NCALD: variants seen among roughly 807,000 people sequenced by gnomAD.
The protein encoded by NCALD is neurocalcin delta.
NCALD carries 10 observed loss-of-function variants against 18.6 expected under a neutral mutation model. The observed-to-expected ratio is 0.54, with a 90% CI of 0.33 to 0.91. NCALD has a LOEUF of 0.91. NCALD is among the 40% of genes least tolerant of loss of function. The pLI is 0.03. For synonymous variants in NCALD, 88 were observed against 87.4 expected (o/e 1.01, Z -0.04); for missense variants, 184 against 247.6 (o/e 0.74, Z 1.72).
At chr8:101,721,473 C>T (rs545491515) in intron 1 of NCALD, 19 of 152,356 alleles carry the variant, frequency 1.2e-4, no homozygotes, top group African/African-American at 4.6e-4. Flanking sequence ...AGGAGGCTCA[C>T]TGCCAGAAGC....
chr8:101,850,758 A>AT lies in NCALD; in HGVS notation c.-20+36382dup, dbSNP rs199907231. Among the ~76,000 whole-genome samples the AT allele has an allele frequency of 7.2e-3, 1,089 of 152,126 alleles. 27 individuals carry two copies. Among genetic ancestry groups the AT allele is most frequent in the Admixed American group, 0.053 (805 of 15,266 alleles). The stretch of plus-strand genomic sequence containing the variant: ...AGAGGGTAGAAGATATGCTCTTCTG[A>AT]TTTTTTTTAAGTTAGGTCTTTGGGA... On this transcript the variant is annotated intron_variant, in intron 4 of 6. Coordinates refer to the NCALD transcript ENST00000311028.
At chr8:101,906,529 C>G (rs773342737) in intron 3 of NCALD, among the ~76,000 whole-genome samples, 4 of 152,214 alleles carry the variant, frequency 2.6e-5, no homozygotes, top group Non-Finnish European at 5.9e-5. Flanking sequence ...TAAAACTTTA[C>G]CTGCAAAGCA....
chr8:101,692,827 C>G lies in NCALD; in HGVS notation c.448G>C (p.Glu150Gln). 6.2e-7 allele frequency: 1 copy of G among 1,613,974 alleles called. No homozygotes were observed. Among genetic ancestry groups the G allele is most frequent in the Non-Finnish European group, 8.5e-7 (1 of 1,179,870 alleles). Reference protein sequence around the residue: ...EDESTPEKRTEKIFRQMDTNR... With the variant: ...EDESTPEKRTQKIFRQMDTNR... ...GTGTCCATCTGGCGGAAGATCTTTT[C>G]TGTTCTTTTCTCTGGGGTTGACTCA... Residue 150 changes from glutamate to glutamine, a missense_variant, in exon 3 of 4, where the codon GAA becomes CAA. By Grantham distance (29) the Glu-to-Gln change is conservative. Coordinates refer to ENST00000220931, the MANE Select transcript of NCALD (RefSeq NM_032041.3).
intron 2 of NCALD, among the ~76,000 whole-genome samples, chr8:101,942,659 A>G (rs1388893035): frequency 6.6e-6 from 1 of 152,258 alleles, no homozygotes; most frequent in African/African-American, 2.4e-5. Flanking sequence ...AGTGAGATAG[A>G]GAATAATAAA....
intron 1 of NCALD, among the ~76,000 whole-genome samples, chr8:102,093,510 G>C (rs535724341): frequency 6.6e-6 from 1 of 152,274 alleles, no homozygotes; most frequent in Middle Eastern, 3.4e-3. Flanking sequence ...AACAAATAAA[G>C]CAAAAACAGA....
At chr8:101,829,295 A>G (rs1263083861) in intron 4 of NCALD, among the ~76,000 whole-genome samples, 1 of 152,202 alleles carries the variant, frequency 6.6e-6, no homozygotes, top group East Asian at 1.9e-4. Context: ...TCCCTTTAAT[A>G]TTTTGATAGA....
At chr8:102,054,717 GATATCCT>G (rs1202656156) in intron 1 of NCALD, among the ~76,000 whole-genome samples, 14 of 102,154 alleles carry the variant, frequency 1.4e-4, no homozygotes, top group South Asian at 4.1e-4. Flanking sequence ...TAGATAGATA[GATATCCT>G]ATAGATAGAT....
At chr8:101,953,021 G>A (rs1332739659) in intron 2 of NCALD, among the ~76,000 whole-genome samples, 1 of 151,896 alleles carries the variant, frequency 6.6e-6, no homozygotes, top group Non-Finnish European at 1.5e-5. Flanking sequence ...TTGGGTGGCT[G>A]CACATCCTAG....
At chr8:102,111,878 C>T (rs1825652082) in intron 1 of NCALD, among the ~76,000 whole-genome samples, 1 of 151,986 alleles carries the variant, frequency 6.6e-6, no homozygotes, top group Admixed American at 6.6e-5. Flanking sequence ...AGAAAAGACC[C>T]CAAATATTAA....
chr8:102,026,786 T>G lies in NCALD; in HGVS notation c.-209-6497A>C, dbSNP rs143251007. ...TTCTGCACTGCCCTAACAAAGGTTC[T>G]CCATGAGGGCTCTGCCCCAGCAGTA... On this transcript the variant is annotated intron_variant, in intron 1 of 6. Transcript: ENST00000311028. Among the ~76,000 whole-genome samples the G allele has an allele frequency of 6.9e-3, 1,049 of 152,312 alleles. 9 individuals are homozygous for G. The highest frequency in any genetic ancestry group is 0.024 in the African/African-American group (1,014 of 41,560).
At chr8:101,761,785 TG>T in intron 1 of NCALD, among the ~76,000 whole-genome samples, 1 of 152,374 alleles carries the variant, frequency 6.6e-6, no homozygotes, top group African/African-American at 2.4e-5. Context: ...GGCTTAAGCA[TG>T]GCCAGGTGAC....
At chr8:101,734,178 T>C (rs1816971979) in intron 1 of NCALD, among the ~76,000 whole-genome samples, 1 of 152,162 alleles carries the variant, frequency 6.6e-6, no homozygotes, top group South Asian at 2.1e-4. Flanking sequence ...GATCTGTTCT[T>C]CACTCGGCAG....
intron 1 of NCALD, among the ~76,000 whole-genome samples, chr8:102,069,749 A>G (rs1824121085): frequency 6.6e-6 from 1 of 152,260 alleles, no homozygotes; most frequent in African/African-American, 2.4e-5. Flanking sequence ...ACACATACCC[A>G]TAACATAGAT....
At chr8:101,872,646 G>A (rs1355457803) in intron 4 of NCALD, 10 of 426,914 alleles carry the variant, frequency 2.3e-5, no homozygotes. Flanking sequence ...CAGATATGTG[G>A]GCCTAAGTCA....
intron 2 of NCALD, among the ~76,000 whole-genome samples, chr8:102,004,604 G>T (rs1392623345): frequency 3.9e-5 from 6 of 152,150 alleles, no homozygotes; most frequent in African/African-American, 7.2e-5. Flanking sequence ...AAAGCTGGAG[G>T]TGTCACACTA....
At chr8:102,072,436 T>C (rs1824207952) in intron 1 of NCALD, among the ~76,000 whole-genome samples, 1 of 152,116 alleles carries the variant, frequency 6.6e-6, no homozygotes, top group Non-Finnish European at 1.5e-5. Context: ...TTTAACCACA[T>C]GAAATTTCTG....
chr8:101,690,917 C>A, intron 3 of NCALD: 1 of 985,328 alleles, frequency 1.0e-6, no homozygotes, highest in Non-Finnish European at 1.2e-6. Context: ...CAGGGGCAGA[C>A]CTGGAGCTCG....
At chr8:101,770,536 C>T (rs188360480) in intron 1 of NCALD, among the ~76,000 whole-genome samples, 27 of 152,236 alleles carry the variant, frequency 1.8e-4, no homozygotes, top group Admixed American at 7.2e-4. Context: ...GGGGGGCTTC[C>T]TGCAAAGAAG....
At chr8:102,085,295 C>G (rs1824699685) in intron 1 of NCALD, among the ~76,000 whole-genome samples, 1 of 152,218 alleles carries the variant, frequency 6.6e-6, no homozygotes. Context: ...AAAATGTCCC[C>G]AAACATTGCC....
Sources: allele counts gnomAD v4.1 joint callset (sites outside exome capture counted in the v4.1 genomes callset), GRCh38; gene constraint gnomAD v4.1.1; transcripts MANE v1.5; gene names NCBI Gene and HGNC (gene_info 2026-07-23, HGNC 2026-07-21).